The following VIT variants were observed in gnomAD, a reference collection of about 807,000 sequenced individuals.
VIT encodes the protein vitrin.
VIT carries 99 observed loss-of-function variants against 78.0 expected under a neutral mutation model. The ratio of observed to expected loss-of-function variants is 1.27; its 90% CI spans 1.08 to 1.50. The LOEUF (loss-of-function observed/expected upper bound fraction) is 1.50, where lower values mean the gene tolerates loss of function less well. Ranked by LOEUF, VIT falls within the 40% of genes most tolerant of loss-of-function variation. The pLI, the probability that VIT is intolerant of heterozygous loss-of-function variation, is 0.00. For missense variants in VIT, 1,126 were observed against 875.3 expected (o/e 1.29, Z -3.61); for synonymous variants, 374 against 334.3 (o/e 1.12, Z -1.29).
At chr2:36,754,092 A>C (rs1668626864) in intron 4 of VIT, among the ~76,000 whole-genome samples, 1 of 152,188 alleles carries the variant, frequency 6.6e-6, no homozygotes, top group Non-Finnish European at 1.5e-5. Flanking sequence ...TTACATGTTG[A>C]GTAGTATTAG....
intron 12 of VIT, among the ~76,000 whole-genome samples, chr2:36,789,021 C>A (rs1665299207): frequency 6.6e-6 from 1 of 152,184 alleles, no homozygotes; most frequent in South Asian, 2.1e-4. Context: ...CCATGCTTTT[C>A]AGTTTTACTA....
chr2:36,792,457 G>C (rs190086976), intron 12 of VIT, among the ~76,000 whole-genome samples: 3 of 146,472 alleles, frequency 2.0e-5, no homozygotes, highest in Non-Finnish European at 4.7e-5. Flanking sequence ...AAACGACTGC[G>C]CTTGACTTCC....
intron 12 of VIT, among the ~76,000 whole-genome samples, chr2:36,792,263 C>G (rs921896343): frequency 1.3e-5 from 2 of 152,174 alleles, no homozygotes; most frequent in African/African-American, 4.8e-5. Flanking sequence ...CCCACCATGC[C>G]ACTTCTCTCC....
chr2:36,773,997 T>A, intron 8 of VIT, 150 bp downstream of exon 8: 1 of 667,330 alleles, frequency 1.5e-6, no homozygotes, highest in Non-Finnish European at 2.3e-6. Context: ...AGGGCCCAAC[T>A]TCTAAGAAAA....
chr2:36,699,609 T>TAGATATATAGGTAG (rs56050360), intron 1 of VIT, among the ~76,000 whole-genome samples: 11 of 130,472 alleles, frequency 8.4e-5, no homozygotes, highest in Non-Finnish European at 9.7e-5. Flanking sequence ...TAGATATAGA[T>TAGATATATAGGTAG]ATAGATAGAT....
At chr2:36,725,232 C>T (rs1029896146) in intron 2 of VIT, among the ~76,000 whole-genome samples, 1 of 152,176 alleles carries the variant, frequency 6.6e-6, no homozygotes, top group Admixed American at 6.5e-5. Flanking sequence ...AATTCAATGG[C>T]CACATCATTG....
At chr2:36,707,579 G>A (rs184926380) in intron 1 of VIT, among the ~76,000 whole-genome samples, 1 of 152,250 alleles carries the variant, frequency 6.6e-6, no homozygotes, top group African/African-American at 2.4e-5. Flanking sequence ...CTTATGCCTC[G>A]AATTGGGATC....
At chr2:36,737,583 A>G (rs1228570641) in intron 3 of VIT, among the ~76,000 whole-genome samples, 1 of 152,208 alleles carries the variant, frequency 6.6e-6, no homozygotes, top group Non-Finnish European at 1.5e-5. Context: ...AGTTAATCTT[A>G]ATACCTTGTA....
chr2:36,762,720 T>C (rs1454974525), intron 6 of VIT, among the ~76,000 whole-genome samples: 1 of 152,058 alleles, frequency 6.6e-6, no homozygotes, highest in Non-Finnish European at 1.5e-5. Flanking sequence ...CCCTAAAAAA[T>C]GTGTCCCGTC....
intron 15 of VIT, among the ~76,000 whole-genome samples, chr2:36,810,518 C>A (rs936034586): frequency 1.3e-5 from 2 of 152,140 alleles, no homozygotes; most frequent in South Asian, 2.1e-4. Context: ...AATAATAATA[C>A]TACTACTAAT....
intron 2 of VIT, among the ~76,000 whole-genome samples, chr2:36,722,206 C>T (rs1025474982): frequency 6.6e-6 from 1 of 152,124 alleles, no homozygotes; most frequent in Non-Finnish European, 1.5e-5. Flanking sequence ...TTATACTGCT[C>T]ATTGTCATTG....
chr2:36,717,540 G>A (rs1418167714), intron 2 of VIT, among the ~76,000 whole-genome samples: 3 of 152,088 alleles, frequency 2.0e-5, no homozygotes, highest in Admixed American at 1.3e-4. Flanking sequence ...CCGGCCCAGA[G>A]ATGATTTTTT....
chr2:36,750,005 A>G (rs1366139816), intron 4 of VIT, among the ~76,000 whole-genome samples: 3 of 152,192 alleles, frequency 2.0e-5, no homozygotes, highest in African/African-American at 7.2e-5. Context: ...CCATTACTGC[A>G]GAGGGACGAG....
intron 4 of VIT, among the ~76,000 whole-genome samples, chr2:36,744,223 G>A (rs1668004079): frequency 1.3e-5 from 2 of 152,146 alleles, no homozygotes; most frequent in African/African-American, 2.4e-5. Context: ...AGACACCTTC[G>A]TTGGTTCCAT....
Position 36,805,461 on chromosome 2 carries a change from A to AAAGG in VIT, c.1187_1188insAGGA (p.Asn397GlyfsTer50). 6.2e-7 allele frequency: 1 copy of AAAGG among 1,612,766 alleles called. No homozygotes were observed. On this transcript the variant is annotated frameshift_variant, in exon 14 of 16. Coordinates refer to ENST00000379242, the MANE Select transcript of VIT (RefSeq NM_053276.4). LOFTEE classifies it high-confidence loss of function. ...AGGTCGGGCCATCTCCTTTGTGACC[A>AAAGG]AGAACTTCTTTTCCAAAGCCAATGG...
chr2:36,812,686 T>C (rs1372033442), intron 15 of VIT, among the ~76,000 whole-genome samples: 1 of 152,090 alleles, frequency 6.6e-6, no homozygotes, highest in East Asian at 1.9e-4. Context: ...TCTGCTCCAG[T>C]TACCACCTAC....
At chr2:36,754,308 G>C (rs1668638308) in intron 4 of VIT, among the ~76,000 whole-genome samples, 1 of 124,060 alleles carries the variant, frequency 8.1e-6, no homozygotes, top group Admixed American at 7.9e-5. Context: ...AAATGACAAC[G>C]TAAAAGTGCA....
At chr2:36,715,064 A>T (rs957227171) in intron 1 of VIT, among the ~76,000 whole-genome samples, 12 of 152,136 alleles carry the variant, frequency 7.9e-5, no homozygotes, top group Non-Finnish European at 1.5e-4. Flanking sequence ...AAGTCTGTTC[A>T]TTCTTCAAAG....
At position 36,768,450 on chromosome 2, in the gene VIT, A is replaced by T. The variant is rs113352390; in HGVS notation, c.679+1165A>T. On this transcript the variant is annotated intron_variant, in intron 7 of 15. Transcript: ENST00000379242. Reference sequence around the variant, plus strand: ...CCGTTTCAATAAATAAATAAATAAAAATGCAAATCAGCACTTTGAATATGC... The same window carrying T: ...CCGTTTCAATAAATAAATAAATAAATATGCAAATCAGCACTTTGAATATGC... Among the ~76,000 whole-genome samples the T allele has an allele frequency of 1.6e-3, 251 of 152,302 alleles. 1 individual carries two copies. Among genetic ancestry groups the T allele is most frequent in the South Asian group, 6.2e-3 (30 of 4,828 alleles).
Sources: allele counts gnomAD v4.1 joint callset (sites outside exome capture counted in the v4.1 genomes callset), GRCh38; gene constraint gnomAD v4.1.1; transcripts MANE v1.5; gene names NCBI Gene and HGNC (gene_info 2026-07-23, HGNC 2026-07-21).